PDE4D: variants seen among roughly 807,000 people sequenced by gnomAD.
The protein encoded by PDE4D is 3',5'-cyclic-AMP phosphodiesterase 4D.
A neutral mutation model predicts 87.4 loss-of-function variants in PDE4D; 24 were observed. The ratio of observed to expected loss-of-function variants is 0.27; its 90% CI spans 0.20 to 0.39. The LOEUF (loss-of-function observed/expected upper bound fraction) is 0.39, where lower values mean the gene tolerates loss of function less well. Ranked by LOEUF, PDE4D falls within the 10% of genes least tolerant of loss-of-function variation. The pLI is 1.00. For missense variants in PDE4D, 714 were observed against 1,041.0 expected, an observed-to-expected ratio of 0.69 and a Z score of 4.32; for synonymous variants, 384 against 383.2, an observed-to-expected ratio of 1.00 and a Z score of -0.02.
Position 59,023,203 on chromosome 5 carries a change from G to GAA in PDE4D, c.921+15654_921+15655dup, listed in dbSNP as rs1755553899. ...GAAAAAAAAAAAAGAGAGAGAGAGA[G>GAA]AAAATACAACCAGAGAATAAACACT... On this transcript the variant is annotated intron_variant, in intron 6 of 14. Transcript: ENST00000340635. 2.0e-5 allele frequency among the ~76,000 whole-genome samples: 3 copies of GAA among 151,470 alleles called. No individual in the cohort carries two copies. The South Asian group carries it at 6.3e-4, about 32-fold the overall frequency.
At chr5:60,144,976 G>A (rs1366088395) in intron 2 of PDE4D, among the ~76,000 whole-genome samples, 1 of 152,176 alleles carries the variant, frequency 6.6e-6, no homozygotes, top group Admixed American at 6.5e-5. Context: ...AAAGGCTCAA[G>A]AGCCTCCCCT....
chr5:60,493,244 G>T (rs1749629016), intron 1 of PDE4D, among the ~76,000 whole-genome samples: 1 of 151,760 alleles, frequency 6.6e-6, no homozygotes, highest in East Asian at 1.9e-4. Context: ...TCCTGCATGA[G>T]GGAAAAAAAA....
chr5:59,928,669 T>C (rs546266518), intron 3 of PDE4D, among the ~76,000 whole-genome samples: 30 of 152,220 alleles, frequency 2.0e-4, no homozygotes, highest in African/African-American at 4.8e-4. Context: ...TGCAAAAAGA[T>C]GAAATAGAAC....
At chr5:59,836,655 T>TATCTATCA (rs777358555) in intron 1 of PDE4D, among the ~76,000 whole-genome samples, 1 of 149,578 alleles carries the variant, frequency 6.7e-6, no homozygotes, top group South Asian at 2.1e-4. Flanking sequence ...TCTATCTATC[T>TATCTATCA]ATCATCTATC....
intron 1 of PDE4D, among the ~76,000 whole-genome samples, chr5:59,673,274 G>C (rs1180814835): frequency 6.6e-6 from 1 of 152,064 alleles, no homozygotes; most frequent in Non-Finnish European, 1.5e-5. Flanking sequence ...TACCACATTT[G>C]CCAGTATTTC....
chr5:60,497,744 T>C (rs1749885446), intron 1 of PDE4D, among the ~76,000 whole-genome samples: 1 of 152,094 alleles, frequency 6.6e-6, no homozygotes, highest in Admixed American at 6.6e-5. Context: ...TCCTATCCTC[T>C]TTCTACTTTT....
intron 1 of PDE4D, among the ~76,000 whole-genome samples, chr5:60,440,670 T>C (rs79571972): frequency 0.027 from 4,141 of 152,102 alleles, 87 homozygotes; most frequent in Middle Eastern, 0.079. Flanking sequence ...TGTTTAGAAA[T>C]AGTGAGTAAA....
chr5:60,419,575 A>G (rs1742911882), intron 1 of PDE4D, among the ~76,000 whole-genome samples: 1 of 151,866 alleles, frequency 6.6e-6, no homozygotes, highest in Non-Finnish European at 1.5e-5. Context: ...TTTGAATTTT[A>G]TTCATGTGAA....
chr5:59,202,643 G>A (rs533532290), intron 2 of PDE4D, among the ~76,000 whole-genome samples: 1 of 152,094 alleles, frequency 6.6e-6, no homozygotes, highest in Non-Finnish European at 1.5e-5. Flanking sequence ...GAATTAGGGG[G>A]TCTGGTCTTT....
At chr5:59,847,082 G>C (rs909864323) in intron 1 of PDE4D, among the ~76,000 whole-genome samples, 1 of 151,954 alleles carries the variant, frequency 6.6e-6, no homozygotes, top group African/African-American at 2.4e-5. Context: ...CCATGGGTGA[G>C]AGATGGAAGG....
intron 5 of PDE4D, among the ~76,000 whole-genome samples, chr5:59,107,107 C>CTG (rs145505572): frequency 2.0e-5 from 3 of 151,790 alleles, no homozygotes; most frequent in Non-Finnish European, 2.9e-5. Context: ...CAAGCTACAT[C>CTG]TGTGTGTGTG....
chr5:59,366,308 T>C (rs1385940107), intron 1 of PDE4D, among the ~76,000 whole-genome samples: 1 of 152,192 alleles, frequency 6.6e-6, no homozygotes, highest in Non-Finnish European at 1.5e-5. Context: ...GGAAAGACAA[T>C]TTGTTTTTTT....
At chr5:59,944,443 G>A (rs1444155506) in intron 3 of PDE4D, among the ~76,000 whole-genome samples, 1 of 152,106 alleles carries the variant, frequency 6.6e-6, no homozygotes, top group Non-Finnish European at 1.5e-5. Context: ...CGCCATCTCG[G>A]CTAACTGCAA....
chr5:59,006,926 G>C (rs1245993570), intron 6 of PDE4D, among the ~76,000 whole-genome samples: 1 of 152,132 alleles, frequency 6.6e-6, no homozygotes, highest in African/African-American at 2.4e-5. Context: ...TCTTGCTCAA[G>C]GTCACAAAGC....
intron 1 of PDE4D, among the ~76,000 whole-genome samples, chr5:59,758,530 G>A (rs1245642652): frequency 6.6e-6 from 1 of 152,064 alleles, no homozygotes; most frequent in Non-Finnish European, 1.5e-5. Context: ...TTTCTGTTTT[G>A]CTTATTTACA....
At chr5:59,179,752 T>C in intron 5 of PDE4D, 1 of 359,780 alleles carries the variant, frequency 2.8e-6, no homozygotes, top group Non-Finnish European at 5.4e-6. Context: ...AATGACGAAT[T>C]GTTTTAGTTT....
At chr5:59,367,671 C>T (rs993897350) in intron 1 of PDE4D, among the ~76,000 whole-genome samples, 4 of 152,208 alleles carry the variant, frequency 2.6e-5, no homozygotes, top group Non-Finnish European at 1.5e-5. Context: ...CATCATTTAA[C>T]ACCTATGATG....
chr5:60,402,173 C>A (rs1221403917), intron 1 of PDE4D, among the ~76,000 whole-genome samples: 4 of 152,094 alleles, frequency 2.6e-5, no homozygotes, highest in Non-Finnish European at 5.9e-5. Flanking sequence ...AATGTGAGAA[C>A]AATAATTCCA....
At chr5:60,342,222 G>A (rs1227323501) in intron 1 of PDE4D, among the ~76,000 whole-genome samples, 3 of 152,106 alleles carry the variant, frequency 2.0e-5, no homozygotes, top group Non-Finnish European at 4.4e-5. Flanking sequence ...GCTGTAAAAG[G>A]GGAGACTGAA....
Sources: allele counts gnomAD v4.1 joint callset (sites outside exome capture counted in the v4.1 genomes callset), GRCh38; gene constraint gnomAD v4.1.1; transcripts MANE v1.5; gene names NCBI Gene and HGNC (gene_info 2026-07-23, HGNC 2026-07-21).